EPHA6: variants seen among roughly 807,000 people sequenced by gnomAD.
EPHA6 encodes the protein EPH receptor A6.
In EPHA6, 50 loss-of-function variants were observed where a neutral mutation model predicts 112.0. The ratio of observed to expected loss-of-function variants is 0.45; its 90% CI spans 0.36 to 0.56. EPHA6 has a LOEUF of 0.56. EPHA6 is among the 20% of genes least tolerant of loss of function. The pLI is 0.00. For synonymous variants in EPHA6, 529 were observed against 490.7 expected (o/e 1.08, Z -1.03); for missense variants, 1,280 against 1,417.4 (o/e 0.90, Z 1.56).
intron 14 of EPHA6, among the ~76,000 whole-genome samples, chr3:97,670,352 C>T (rs1382834919): frequency 7.2e-5 from 11 of 152,108 alleles, no homozygotes. Context: ...CAAAAATAGA[C>T]AAAAGCAACC....
At chr3:96,994,732 T>TATATATATATATATAGAGAGAG (rs1170197805) in intron 3 of EPHA6, among the ~76,000 whole-genome samples, 3 of 82,216 alleles carry the variant, frequency 3.6e-5, no homozygotes, top group African/African-American at 1.9e-4. Context: ...TATATATATA[T>TATATATATATATATAGAGAGAG]AGAGAGAGAG....
intron 11 of EPHA6, among the ~76,000 whole-genome samples, chr3:97,536,353 A>C (rs1039574468): frequency 2.0e-5 from 3 of 152,182 alleles, no homozygotes; most frequent in African/African-American, 7.2e-5. Flanking sequence ...GGAAGAACCA[A>C]AAAGAGAAAA....
intron 11 of EPHA6, among the ~76,000 whole-genome samples, chr3:97,591,182 T>C (rs1181564584): frequency 6.6e-6 from 1 of 152,206 alleles, no homozygotes; most frequent in Non-Finnish European, 1.5e-5. Context: ...TTTAATCCAG[T>C]GCACACTGTA....
chr3:97,734,391 C>T (rs1273567279), intron 15 of EPHA6, among the ~76,000 whole-genome samples: 9 of 151,840 alleles, frequency 5.9e-5, no homozygotes, highest in Admixed American at 3.3e-4. Context: ...AAACATGTAA[C>T]AAAATCTTAA....
chr3:97,374,721 T>C (rs2085249445), intron 5 of EPHA6, among the ~76,000 whole-genome samples: 1 of 152,158 alleles, frequency 6.6e-6, no homozygotes, highest in African/African-American at 2.4e-5. Flanking sequence ...TATGCCCATG[T>C]GTATCCAGTT....
intron 3 of EPHA6, among the ~76,000 whole-genome samples, chr3:97,181,587 GTGTGTGTGTGTATATA>G (rs1449448840): frequency 4.0e-5 from 6 of 150,888 alleles, no homozygotes; most frequent in Admixed American, 6.6e-5. Flanking sequence ...ATATATATAT[GTGTGTGTGTGTATATA>G]TGTGTGTGTG....
intron 1 of EPHA6, among the ~76,000 whole-genome samples, chr3:96,829,947 G>GCGCA (rs1553713397): frequency 4.3e-5 from 3 of 70,460 alleles, no homozygotes; most frequent in African/African-American, 1.3e-4. Flanking sequence ...GTGCGCGCGC[G>GCGCA]CGCACACACA....
intron 5 of EPHA6, among the ~76,000 whole-genome samples, chr3:97,402,133 G>A (rs1269054950): frequency 3.9e-5 from 6 of 152,004 alleles, no homozygotes; most frequent in African/African-American, 1.4e-4. Context: ...TTCTTCAGCT[G>A]TTGGATGAAA....
chr3:96,923,682 T>A (rs2039890361), intron 2 of EPHA6, among the ~76,000 whole-genome samples: 1 of 152,220 alleles, frequency 6.6e-6, no homozygotes, highest in African/African-American at 2.4e-5. Flanking sequence ...TTTTGGCATC[T>A]TCATCATGAA....
At chr3:97,213,263 G>A (rs183421429) in intron 3 of EPHA6, among the ~76,000 whole-genome samples, 1 of 152,004 alleles carries the variant, frequency 6.6e-6, no homozygotes, top group Non-Finnish European at 1.5e-5. Flanking sequence ...TCACTTCCAG[G>A]GCCATGTGAG....
At chr3:96,926,465 G>A (rs995522670) in intron 2 of EPHA6, among the ~76,000 whole-genome samples, 2 of 152,108 alleles carry the variant, frequency 1.3e-5, no homozygotes, top group Non-Finnish European at 2.9e-5. Flanking sequence ...GTCTTCCAAA[G>A]TCTTAACTCA....
At chr3:97,632,732 A>G (rs2093914064) in intron 13 of EPHA6, among the ~76,000 whole-genome samples, 1 of 152,112 alleles carries the variant, frequency 6.6e-6, no homozygotes, top group South Asian at 2.1e-4. Context: ...AATTGAGCAC[A>G]TGCAAAAAAT....
At chr3:97,332,187 G>A (rs992528278) in intron 5 of EPHA6, among the ~76,000 whole-genome samples, 52 of 152,076 alleles carry the variant, frequency 3.4e-4, no homozygotes, top group African/African-American at 1.3e-3. Context: ...TGCAGAAAAG[G>A]CCTTTGACAA....
Position 97,760,191 on chromosome 3 carries a change from A to G in EPHA6, c.*11490A>G, listed in dbSNP as rs549253369. On this transcript the variant is annotated 3_prime_UTR_variant, in exon 18 of 18. Transcript: ENST00000389672. ...AAACAGGAACTAATCTTTTAGTAAAAATTATTTTGTTTTCATATAGGAAAA... is the reference window on the plus strand; with the variant it reads ...AAACAGGAACTAATCTTTTAGTAAAGATTATTTTGTTTTCATATAGGAAAA... 2.3e-4 allele frequency: 42 copies of G among 181,460 alleles called. No individual in the cohort carries two copies. Among genetic ancestry groups the G allele is most frequent in the African/African-American group, 8.7e-4 (37 of 42,506 alleles). 11.2% of individuals were successfully genotyped at this position (181,460 alleles called of 1,614,324 possible). A position where few individuals can be genotyped will look rare whatever the true frequency, so the allele number is the denominator to read the frequency against.
At chr3:96,900,403 T>A (rs1037621475) in intron 2 of EPHA6, among the ~76,000 whole-genome samples, 2 of 152,194 alleles carry the variant, frequency 1.3e-5, no homozygotes, top group African/African-American at 4.8e-5. Context: ...TAATTTAAAA[T>A]TCACATATAA....
intron 1 of EPHA6, among the ~76,000 whole-genome samples, chr3:96,852,779 G>A (rs1169872076): frequency 6.6e-6 from 1 of 152,004 alleles, no homozygotes; most frequent in Non-Finnish European, 1.5e-5. Flanking sequence ...GCATCTGTTG[G>A]TGTTTCTCAC....
intron 16 of EPHA6, chr3:97,745,475 T>C: frequency 2.4e-6 from 1 of 418,026 alleles, no homozygotes; most frequent in South Asian, 1.8e-5. Context: ...AAATAGGAAA[T>C]GCAATAGAAT....
intron 1 of EPHA6, among the ~76,000 whole-genome samples, chr3:96,828,055 C>A (rs913494578): frequency 1.3e-5 from 2 of 151,890 alleles, no homozygotes; most frequent in Admixed American, 6.6e-5. Context: ...TTGAAACTTT[C>A]GCCAGTCTGT....
intron 6 of EPHA6, among the ~76,000 whole-genome samples, chr3:97,425,873 A>G (rs1685667826): frequency 6.6e-6 from 1 of 152,166 alleles, no homozygotes; most frequent in Admixed American, 6.5e-5. Context: ...TCTCTAGGGC[A>G]GGGGCAAAAT....
Sources: allele counts gnomAD v4.1 joint callset (sites outside exome capture counted in the v4.1 genomes callset), GRCh38; gene constraint gnomAD v4.1.1; transcripts MANE v1.5; gene names NCBI Gene and HGNC (gene_info 2026-07-23, HGNC 2026-07-21).